The following PDE4D variants were observed in gnomAD, a reference collection of about 807,000 sequenced individuals.
PDE4D encodes the protein 3',5'-cyclic-AMP phosphodiesterase 4D.
Under a neutral mutation model 87.4 loss-of-function variants are expected in PDE4D, and 24 were observed. The ratio of observed to expected loss-of-function variants is 0.27; its 90% CI spans 0.20 to 0.39. The LOEUF is 0.39. Ranked by LOEUF, PDE4D falls within the 10% of genes least tolerant of loss-of-function variation. PDE4D has a pLI of 1.00. For missense variants in PDE4D, 714 were observed against 1,041.0 expected (o/e 0.69, Z 4.32); for synonymous variants, 384 against 383.2 (o/e 1.00, Z -0.02).
intron 1 of PDE4D, among the ~76,000 whole-genome samples, chr5:59,531,804 A>G (rs151300519): frequency 1.6e-3 from 238 of 152,342 alleles, no homozygotes; most frequent in African/African-American, 5.4e-3. Flanking sequence ...TACGGACACT[A>G]CATCTCAAGG....
intron 1 of PDE4D, among the ~76,000 whole-genome samples, chr5:59,254,749 A>G (rs1228096662): frequency 6.6e-6 from 1 of 152,160 alleles, no homozygotes; most frequent in Non-Finnish European, 1.5e-5. Flanking sequence ...CTTCTACCTC[A>G]GATTCCAAAC....
At chr5:59,158,932 C>T (rs1780621908) in intron 5 of PDE4D, among the ~76,000 whole-genome samples, 1 of 152,184 alleles carries the variant, frequency 6.6e-6, no homozygotes, top group Admixed American at 6.5e-5. Context: ...AAAAGGGCTG[C>T]TTTGCTGGGA....
rs1040130550 is a variant in PDE4D, at chr5:59,248,273, C to A, written c.456-32305G>T. Among the ~76,000 whole-genome samples, 3 of 150,770 alleles carry A rather than the reference C, an allele frequency of 2.0e-5. No individual in the cohort carries two copies. The Admixed American group carries it at 2.0e-4, about 10-fold the overall frequency. On this transcript the variant is annotated intron_variant, in intron 1 of 14. Transcript: ENST00000340635. ...TGTCTAGGAATTACCTGTTCTGAGCCACTTTTTAGGAGACTGTTATGTTTT... is the reference window on the plus strand; with the variant it reads ...TGTCTAGGAATTACCTGTTCTGAGCAACTTTTTAGGAGACTGTTATGTTTT...
chr5:59,290,177 T>A (rs1284244275), intron 1 of PDE4D, among the ~76,000 whole-genome samples: 1 of 151,916 alleles, frequency 6.6e-6, no homozygotes, highest in African/African-American at 2.4e-5. Flanking sequence ...ATCCTAAAAT[T>A]TATATGAAAC....
intron 1 of PDE4D, among the ~76,000 whole-genome samples, chr5:59,704,660 G>A (rs529572502): frequency 6.6e-6 from 1 of 152,106 alleles, no homozygotes; most frequent in Non-Finnish European, 1.5e-5. Context: ...GGTATTTTCT[G>A]TTGTTCAAAA....
At chr5:59,600,981 A>C (rs1827422069) in intron 1 of PDE4D, among the ~76,000 whole-genome samples, 2 of 152,154 alleles carry the variant, frequency 1.3e-5, no homozygotes, top group African/African-American at 4.8e-5. Flanking sequence ...AGAAAATCAG[A>C]AGATGATGTA....
At chr5:59,022,706 C>A (rs1479816020) in intron 6 of PDE4D, among the ~76,000 whole-genome samples, 1 of 152,134 alleles carries the variant, frequency 6.6e-6, no homozygotes, top group Admixed American at 6.6e-5. Context: ...CTCCTAGGAA[C>A]TAGGGCCAGG....
At chr5:60,492,487 T>A (rs1749585204), upstream of PDE4D, among the ~76,000 whole-genome samples, 1 of 152,088 alleles carries the variant, frequency 6.6e-6, no homozygotes. Context: ...ATTGTTTTTA[T>A]TAGGATTAAG....
chr5:60,514,840 C>A (rs1172471154), intron 1 of PDE4D, among the ~76,000 whole-genome samples: 1 of 151,332 alleles, frequency 6.6e-6, no homozygotes, highest in East Asian at 1.9e-4. Context: ...TCAGCCAAAG[C>A]AATAAAGCAA....
intron 1 of PDE4D, among the ~76,000 whole-genome samples, chr5:59,735,133 A>T (rs62370529): frequency 0.05 from 7,663 of 152,274 alleles, 232 homozygotes; most frequent in South Asian, 0.063. Context: ...TTGTATAAAA[A>T]TTATTCACTT....
intron 1 of PDE4D, among the ~76,000 whole-genome samples, chr5:59,240,480 AT>A (rs1757410691): frequency 6.6e-6 from 1 of 152,108 alleles, no homozygotes; most frequent in Non-Finnish European, 1.5e-5. Context: ...TTCTTCAGAT[AT>A]TTGATGAGTG....
At chr5:59,193,814 A>T in intron 2 of PDE4D, 1 of 984,840 alleles carries the variant, frequency 1.0e-6, no homozygotes, top group Admixed American at 6.1e-5. Flanking sequence ...GCAATAGTAG[A>T]AATGGTGTTC....
chr5:59,465,894 G>T (rs1167153750), intron 1 of PDE4D, among the ~76,000 whole-genome samples: 1 of 152,200 alleles, frequency 6.6e-6, no homozygotes, highest in Non-Finnish European at 1.5e-5. Context: ...GAGAATCTCA[G>T]ACTCAGGTGG....
chr5:60,371,183 C>A (rs1419029415), intron 1 of PDE4D, among the ~76,000 whole-genome samples: 3 of 152,228 alleles, frequency 2.0e-5, no homozygotes, highest in Admixed American at 2.0e-4. Context: ...AAACAACCAA[C>A]TCCTTCCCAG....
chr5:58,986,548 T>C lies in PDE4D; in HGVS notation c.1552+1945A>G, dbSNP rs543072258. On this transcript the variant is annotated intron_variant, in intron 11 of 14. Coordinates refer to ENST00000340635, the MANE Select transcript of PDE4D (RefSeq NM_001104631.2). ...CCTCCTGTCAGATCAGCAGGGACAT[T>C]AGATTCTCCTAGGAGCGTGAACCCT... Among the ~76,000 whole-genome samples, 17 of 152,312 alleles carry C rather than the reference T, an allele frequency of 1.1e-4. 1 individual carries two copies. The South Asian group carries it at 3.5e-3, about 32-fold the overall frequency.
chr5:60,390,382 G>A (rs1239973268), intron 1 of PDE4D, among the ~76,000 whole-genome samples: 3 of 152,158 alleles, frequency 2.0e-5, no homozygotes, highest in Non-Finnish European at 4.4e-5. Flanking sequence ...GTTGAGTTTA[G>A]CGCAACCCCA....
intron 6 of PDE4D, among the ~76,000 whole-genome samples, chr5:59,016,799 T>C (rs1436404049): frequency 6.6e-6 from 1 of 152,132 alleles, no homozygotes; most frequent in East Asian, 1.9e-4. Flanking sequence ...AAACACTTAT[T>C]ACATAGTATG....
At chr5:60,020,340 C>A (rs543542350) in intron 2 of PDE4D, among the ~76,000 whole-genome samples, 1 of 152,078 alleles carries the variant, frequency 6.6e-6, no homozygotes, top group Non-Finnish European at 1.5e-5. Flanking sequence ...AAATGAGACA[C>A]AAAGTGAGCA....
At chr5:59,735,685 G>C (rs936687193) in intron 1 of PDE4D, among the ~76,000 whole-genome samples, 2 of 150,048 alleles carry the variant, frequency 1.3e-5, no homozygotes, top group Non-Finnish European at 3.0e-5. Context: ...TTTTTTTTTC[G>C]AGACAGAATC....
Sources: gnomAD v4.1 joint callset for allele counts (sites outside exome capture counted in the v4.1 genomes callset) on GRCh38, gnomAD v4.1.1 for gene constraint, MANE v1.5 for transcripts, NCBI Gene and HGNC (gene_info 2026-07-23, HGNC 2026-07-21) for gene names.